GRIK2: variants seen among roughly 807,000 people sequenced by gnomAD.
GRIK2 encodes glutamate receptor ionotropic, kainate 2.
In GRIK2, 32 loss-of-function variants were observed where a neutral mutation model predicts 100.3. That is an observed-to-expected ratio of 0.32 (90% CI 0.24 to 0.43). The LOEUF (loss-of-function observed/expected upper bound fraction) is 0.43. GRIK2 is among the 20% of genes least tolerant of loss of function. The probability of loss-of-function intolerance (pLI) is 1.00; values close to 1 mark genes in which losing one functional copy is unlikely to be tolerated. For synonymous variants in GRIK2, 417 were observed against 389.4 expected (o/e 1.07, Z -0.83); for missense variants, 843 against 1,114.9 (o/e 0.76, Z 3.47).
intron 14 of GRIK2, among the ~76,000 whole-genome samples, chr6:101,972,248 G>T (rs181991253): frequency 3.2e-4 from 48 of 151,770 alleles, no homozygotes; most frequent in African/African-American, 1.1e-3. Flanking sequence ...TATTTCTCCC[G>T]AGCCTCACCA....
intron 12 of GRIK2, among the ~76,000 whole-genome samples, chr6:101,911,607 C>T (rs1046779452): frequency 2.0e-5 from 3 of 151,168 alleles, no homozygotes; most frequent in Non-Finnish European, 3.0e-5. Context: ...GTTCCTTTAC[C>T]TCATATTGAA....
intron 2 of GRIK2, among the ~76,000 whole-genome samples, chr6:101,607,368 A>G (rs866328226): frequency 6.6e-6 from 1 of 152,022 alleles, no homozygotes; most frequent in African/African-American, 2.4e-5. Context: ...GAGGATCAGA[A>G]CATCTGTTAT....
intron 2 of GRIK2, among the ~76,000 whole-genome samples, chr6:101,470,367 C>A (rs990680274): frequency 2.0e-5 from 3 of 152,114 alleles, no homozygotes; most frequent in African/African-American, 7.2e-5. Flanking sequence ...GGTGAGAGGG[C>A]AAGCTTCTTT....
intron 7 of GRIK2, among the ~76,000 whole-genome samples, chr6:101,709,855 A>G (rs1209393079): frequency 6.6e-6 from 1 of 151,768 alleles, no homozygotes; most frequent in Non-Finnish European, 1.5e-5. Flanking sequence ...CTAGGATGGC[A>G]CAGAATCATC....
chr6:101,902,685 A>C (rs1244448964), intron 12 of GRIK2, among the ~76,000 whole-genome samples: 1 of 151,906 alleles, frequency 6.6e-6, no homozygotes, highest in Non-Finnish European at 1.5e-5. Context: ...CAAAAATTTA[A>C]CTATTTACAT....
intron 7 of GRIK2, among the ~76,000 whole-genome samples, chr6:101,698,995 A>AT (rs1351161872): frequency 6.6e-6 from 1 of 152,134 alleles, no homozygotes; most frequent in Non-Finnish European, 1.5e-5. Context: ...CATTCCTGTG[A>AT]TAAGTCAAAG....
At chr6:101,567,899 TAGG>T (rs556136094) in intron 2 of GRIK2, among the ~76,000 whole-genome samples, 273 of 152,088 alleles carry the variant, frequency 1.8e-3, no homozygotes, top group African/African-American at 5.6e-3. Flanking sequence ...ATAAAACAAA[TAGG>T]AGAAAACTAA....
At chr6:101,690,429 G>A (rs1259742862) in intron 7 of GRIK2, among the ~76,000 whole-genome samples, 1 of 152,028 alleles carries the variant, frequency 6.6e-6, no homozygotes, top group South Asian at 2.1e-4. Flanking sequence ...CAATTTTACT[G>A]TATCAATATT....
At chr6:101,427,551 G>T (rs953318673) in intron 2 of GRIK2, among the ~76,000 whole-genome samples, 1 of 152,190 alleles carries the variant, frequency 6.6e-6, no homozygotes. Context: ...TTTGCTGAAT[G>T]AACAACTAAG....
At chr6:101,609,651 A>G (rs763691595) in intron 2 of GRIK2, among the ~76,000 whole-genome samples, 1 of 151,862 alleles carries the variant, frequency 6.6e-6, no homozygotes, top group Non-Finnish European at 1.5e-5. Context: ...AGACACTCTC[A>G]TATTTCTTCT....
intron 14 of GRIK2, among the ~76,000 whole-genome samples, chr6:102,025,630 GTAAATTAATGATTAATA>G (rs1407924685): frequency 6.6e-6 from 1 of 151,036 alleles, no homozygotes; most frequent in Non-Finnish European, 1.5e-5. Context: ...AAAATGTGCT[GTAAATTAATGATTAATA>G]TAATCATCAA....
At chr6:101,895,537 G>A (rs1787381489) in intron 12 of GRIK2, among the ~76,000 whole-genome samples, 2 of 151,738 alleles carry the variant, frequency 1.3e-5, no homozygotes, top group African/African-American at 2.4e-5. Context: ...AGTGATGGGT[G>A]ACATTTAATG....
At chr6:101,406,005 T>C (rs1284695221) in intron 2 of GRIK2, among the ~76,000 whole-genome samples, 1 of 152,138 alleles carries the variant, frequency 6.6e-6, no homozygotes, top group Non-Finnish European at 1.5e-5. Flanking sequence ...TCTCGCCCAT[T>C]CACATTTCAC....
chr6:102,037,551 C>G (rs888171674), intron 15 of GRIK2, among the ~76,000 whole-genome samples: 1 of 151,146 alleles, frequency 6.6e-6, no homozygotes, highest in Non-Finnish European at 1.5e-5. Flanking sequence ...TTACCTGCAC[C>G]AGGGAAAGGC....
chr6:101,864,640 T>C (rs1294990457), intron 11 of GRIK2, among the ~76,000 whole-genome samples: 1 of 152,092 alleles, frequency 6.6e-6, no homozygotes, highest in African/African-American at 2.4e-5. Flanking sequence ...AAAGTAGTTA[T>C]TATTATTATT....
chr6:101,837,334 G>A (rs1298031365), intron 10 of GRIK2, among the ~76,000 whole-genome samples: 1 of 152,118 alleles, frequency 6.6e-6, no homozygotes, highest in Non-Finnish European at 1.5e-5. Flanking sequence ...AACATGATGA[G>A]TATTGCTAAT....
At chr6:101,670,319 A>C (rs1770338079) in intron 4 of GRIK2, among the ~76,000 whole-genome samples, 1 of 152,164 alleles carries the variant, frequency 6.6e-6, no homozygotes, top group African/African-American at 2.4e-5. Context: ...AGGAGACGGC[A>C]GGTCCTACTA....
At chr6:101,738,154 A>ATGTCAATTGTAATTGACAATTGTCAAT (rs1775780166) in intron 7 of GRIK2, among the ~76,000 whole-genome samples, 1 of 146,976 alleles carries the variant, frequency 6.8e-6, no homozygotes, top group Non-Finnish European at 1.5e-5. Context: ...GACACATTAA[A>ATGTCAATTGTAATTGACAATTGTCAAT]TGTCAATTGT....
At chr6:102,045,896 A>AAAT (rs2114472549) in intron 15 of GRIK2, among the ~76,000 whole-genome samples, 1 of 152,214 alleles carries the variant, frequency 6.6e-6, no homozygotes, top group South Asian at 2.1e-4. Context: ...TCTTCCATCA[A>AAAT]AATACATACA....
Sources: gnomAD v4.1 joint callset for allele counts (sites outside exome capture counted in the v4.1 genomes callset) on GRCh38, gnomAD v4.1.1 for gene constraint, MANE v1.5 for transcripts, NCBI Gene and HGNC (gene_info 2026-07-23, HGNC 2026-07-21) for gene names.